Variants in ARL17B observed in about 807,000 individuals in gnomAD.
ARL17B encodes the protein ARF like GTPase 17B.
At chr17:46,333,009 AATG>A (rs1334649205), downstream of ARL17B, among the ~76,000 whole-genome samples, 4 of 143,798 alleles carry the variant, frequency 2.8e-5, no homozygotes, top group African/African-American at 1.0e-4. Flanking sequence ...TTGTTGCTGA[AATG>A]ATGAGAGAGG....
At chr17:46,291,669 C>G (rs1204842892) in intron 4 of ARL17B, among the ~76,000 whole-genome samples, 2 of 152,012 alleles carry the variant, frequency 1.3e-5, no homozygotes, top group African/African-American at 4.8e-5. Context: ...GCCTATAATC[C>G]CAGCACTTTG....
intron 3 of ARL17B, among the ~76,000 whole-genome samples, chr17:46,321,114 A>AT (rs1449811566): frequency 6.9e-5 from 1 of 14,428 alleles, no homozygotes; most frequent in Non-Finnish European, 9.3e-5. Context: ...CAATTTATTC[A>AT]TTTTATTGAC....
intron 4 of ARL17B, among the ~76,000 whole-genome samples, chr17:46,289,460 T>C (rs201716319): frequency 1.3e-5 from 2 of 151,986 alleles, no homozygotes; most frequent in Admixed American, 6.6e-5. Flanking sequence ...TATGAGCCAC[T>C]TGTACCCAGC....
chr17:46,344,232 G>GAAT (rs1196556456), intron 3 of ARL17B, among the ~76,000 whole-genome samples: 1 of 145,128 alleles, frequency 6.9e-6, no homozygotes, highest in African/African-American at 2.7e-5. Flanking sequence ...AAATAAATAG[G>GAAT]AGTTTGAGGC....
intron 4 of ARL17B, among the ~76,000 whole-genome samples, chr17:46,280,600 G>A (rs1341312916): frequency 1.6e-5 from 2 of 126,036 alleles, no homozygotes; most frequent in Non-Finnish European, 3.2e-5. Flanking sequence ...CCTGAGCAGA[G>A]TCTCACTCTG....
intron 3 of ARL17B, among the ~76,000 whole-genome samples, chr17:46,340,874 A>G (rs2052505246): frequency 1.6e-5 from 1 of 64,236 alleles, no homozygotes. Flanking sequence ...ACACCTGTGG[A>G]TCTCTAGCCT....
intron 3 of ARL17B, among the ~76,000 whole-genome samples, chr17:46,325,787 A>G (rs1213617315): frequency 1.3e-5 from 1 of 77,660 alleles, no homozygotes; most frequent in African/African-American, 3.2e-5. Context: ...TGACTCTCAA[A>G]TGGTTTTGTC....
At chr17:46,274,783 CTTT>C (rs66460964) in exon 5 of ARL17B, 68 of 145,588 alleles carry the variant, frequency 4.7e-4, no homozygotes, top group African/African-American at 1.6e-3. Context: ...CTTTCTTTTT[CTTT>C]TTTTTTTTTA....
intron 4 of ARL17B, among the ~76,000 whole-genome samples, chr17:46,287,161 G>T (rs1252874146): frequency 6.6e-6 from 1 of 152,220 alleles, no homozygotes; most frequent in African/African-American, 2.4e-5. Context: ...TGCAAACAAA[G>T]TCACTCACAT....
intron 4 of ARL17B, among the ~76,000 whole-genome samples, chr17:46,287,821 G>C (rs80315816): frequency 0.049 from 6,330 of 128,764 alleles, no homozygotes; most frequent in Non-Finnish European, 0.081. Flanking sequence ...AGGCGGAGCT[G>C]TGTAAGTGTG....
intron 3 of ARL17B, among the ~76,000 whole-genome samples, chr17:46,340,206 G>T (rs1392097013): frequency 3.6e-5 from 3 of 83,630 alleles, no homozygotes; most frequent in East Asian, 2.3e-4. Flanking sequence ...AGTTTTGTTT[G>T]TTTTTTTTTC....
chr17:46,283,271 G>A (rs774869723), intron 4 of ARL17B, among the ~76,000 whole-genome samples: 9 of 152,222 alleles, frequency 5.9e-5, no homozygotes, highest in Non-Finnish European at 8.8e-5. Context: ...AATATACACT[G>A]AGACTTCTGA....
intron 4 of ARL17B, among the ~76,000 whole-genome samples, chr17:46,286,564 T>C (rs899465316): frequency 4.6e-5 from 7 of 152,172 alleles, no homozygotes; most frequent in African/African-American, 1.7e-4. Context: ...GAATCAAATC[T>C]ACCATTAAAC....
intron 3 of ARL17B, among the ~76,000 whole-genome samples, chr17:46,317,145 T>C (rs1379216788): frequency 4.5e-5 from 4 of 89,626 alleles, no homozygotes; most frequent in Non-Finnish European, 3.2e-5. Flanking sequence ...CCAGATGGGG[T>C]GGCGGCCGGG....
chr17:46,275,922 G>A (rs1359798045), intron 4 of ARL17B, among the ~76,000 whole-genome samples: 5 of 150,458 alleles, frequency 3.3e-5, no homozygotes, highest in South Asian at 2.1e-4. Flanking sequence ...ACGAAGTCTC[G>A]CTTTTGTCCC....
intron 4 of ARL17B, among the ~76,000 whole-genome samples, chr17:46,284,390 C>T (rs1333657565): frequency 6.6e-6 from 1 of 152,222 alleles, no homozygotes. Context: ...TCTTGCACAG[C>T]CCTTAATTCA....
Position 46,276,796 on chromosome 17 carries a change from T to TC in ARL17B, c.*22-1379_*22-1378insG, listed in dbSNP as rs1326367139. ...GTAATTTTTTTCTTTTTTTCTTTTT[T>TC]TTTTTTTTTTTGATTTGTTTGTTTT... On this transcript the variant is annotated intron_variant, in intron 4 of 4. Transcript: ENST00000570618. 1.1e-4 allele frequency among the ~76,000 whole-genome samples: 17 copies of TC among 151,520 alleles called. No homozygotes were observed. The East Asian group carries it at 2.5e-3, about 22-fold the overall frequency.
intron 4 of ARL17B, among the ~76,000 whole-genome samples, chr17:46,276,946 G>A (rs771050757): frequency 3.2e-4 from 49 of 152,042 alleles, no homozygotes; most frequent in Non-Finnish European, 2.1e-4. Context: ...TGGGACTACA[G>A]GCACGTGCCA....
At position 46,321,914 on chromosome 17, in the gene ARL17B, CAAAA is replaced by C. The variant is rs1263117066; in HGVS notation, c.260-22253_260-22250del. Among the ~76,000 whole-genome samples, 8 of 10,998 alleles carry C rather than the reference CAAAA, an allele frequency of 7.3e-4. 3 individuals carry two copies. The South Asian group carries it at 0.036, about 50-fold the overall frequency. The allele number at this position is 10,998 out of a possible 152,430, so 7.2% of individuals were successfully genotyped here. ...GGGCAACAAGAGCGAGACTCCATCT[CAAAA>C]AAAAAAAAAAAAAAAAAATAGATGA... On this transcript the variant is annotated intron_variant, in intron 3 of 4. Coordinates refer to the ARL17B transcript ENST00000434041.
Sources: gnomAD v4.1 joint callset for allele counts (sites outside exome capture counted in the v4.1 genomes callset) on GRCh38, gnomAD v4.1.1 for gene constraint, MANE v1.5 for transcripts, NCBI Gene and HGNC (gene_info 2026-07-23, HGNC 2026-07-21) for gene names.